Variants in GPR89B observed in about 807,000 individuals in gnomAD.
GPR89B encodes the protein G protein-coupled receptor 89B.
A neutral mutation model predicts 52.4 loss-of-function variants in GPR89B; 25 were observed. The observed-to-expected ratio is 0.48, with a 90% CI of 0.35 to 0.67. The LOEUF (loss-of-function observed/expected upper bound fraction) is 0.67, where lower values mean the gene tolerates loss of function less well. Among genes scored for constraint, GPR89B ranks in the 30% least tolerant of loss-of-function variants. The probability of loss-of-function intolerance (pLI) is 0.01; values close to 1 mark genes in which losing one functional copy is unlikely to be tolerated. For missense variants in GPR89B, 146 were observed against 450.2 expected (o/e 0.32, Z 6.11); for synonymous variants, 52 against 151.2 (o/e 0.34, Z 4.81).
rs1480541724 is a variant in GPR89B at position 147,933,824 on chromosome 1, G to A, written c.43-2803G>A. 2.6e-5 allele frequency among the ~76,000 whole-genome samples: 4 copies of A among 152,010 alleles called. No homozygotes were observed. The East Asian group carries it at 5.8e-4, about 22-fold the overall frequency. On this transcript the variant is annotated intron_variant, in intron 1 of 13. Coordinates refer to ENST00000314163, the MANE Select transcript of GPR89B (RefSeq NM_016334.5). ...ATAATGTTTCTCTTTCTACACTGTC[G>A]CTTCCTTCAAGTGTGTCTTCCACAC...
chr1:148,018,450 A>G, the GPR89B span, among the ~76,000 whole-genome samples: 109 of 150,776 alleles, frequency 7.2e-4, 2 homozygotes, highest in African/African-American at 2.5e-3. Flanking sequence ...AAGAAAAAAA[A>G]GGCAGGAAGA....
rs1315221534 is a variant in GPR89B at position 147,969,522 on chromosome 1, A to G, written c.817-345A>G. The G allele has an allele frequency of 1.2e-4, 27 of 222,248 alleles. No individual in the cohort carries two copies. In the East Asian group the frequency reaches 3.7e-3, roughly 30 times the overall value. 13.8% of individuals were successfully genotyped at this position (222,248 alleles called of 1,614,324 possible). ...ACAGAGGTTAACATAGGCTTTGGAA[A>G]CAGATAAACCTGAGCCTACTCACCA... On this transcript the variant is annotated intron_variant, in intron 9 of 13. Transcript: ENST00000314163.
In GPR89B at chr1:147,949,779, C is replaced by T. The variant is rs587599207; in HGVS notation, c.416-3566C>T. On this transcript the variant is annotated intron_variant, in intron 5 of 13. Coordinates refer to ENST00000314163, the MANE Select transcript of GPR89B (RefSeq NM_016334.5). ...AGGCGCCCCTCACCTCCCGGAGAGA[C>T]GGCTGGCCGGGCAGGGGGCTGACCC... Among the ~76,000 whole-genome samples the T allele has an allele frequency of 9.8e-5, 14 of 142,154 alleles. No individual in the cohort carries two copies. The East Asian group carries it at 2.0e-3, about 21-fold the overall frequency. The allele number at this position is 142,154 out of a possible 152,430, so 93.3% of individuals were successfully genotyped here.
chr1:147,997,171 A>G (rs1259121989), downstream of GPR89B, among the ~76,000 whole-genome samples: 1 of 152,142 alleles, frequency 6.6e-6, no homozygotes, highest in African/African-American at 2.4e-5. Flanking sequence ...CCTTTCGGTA[A>G]GATGGTCTTC....
chr1:147,937,332 A>C (rs587709044), intron 2 of GPR89B, among the ~76,000 whole-genome samples: 3 of 152,184 alleles, frequency 2.0e-5, no homozygotes, highest in Non-Finnish European at 4.4e-5. Flanking sequence ...TAAAATCACA[A>C]AGCAGAGGCA....
At chr1:147,982,840 TCTC>T (rs1658372664) in intron 10 of GPR89B, among the ~76,000 whole-genome samples, 2 of 152,060 alleles carry the variant, frequency 1.3e-5, no homozygotes, top group African/African-American at 2.4e-5. Context: ...GTTTTGTAGT[TCTC>T]CTTGAAGAGG....
In GPR89B at chr1:147,979,692, G is replaced by T. The variant is rs1553254078; in HGVS notation, c.910-6507G>T. Among the ~76,000 whole-genome samples, 10 of 151,712 alleles carry T rather than the reference G, an allele frequency of 6.6e-5. 1 individual carries two copies. Among genetic ancestry groups the T allele is most frequent in the South Asian group, 6.3e-4 (3 of 4,800 alleles). Reference sequence around the variant, plus strand: ...TAGTTGATTATATTCATTAATTTTTGAATATTAAACCAATCTTGCATTCCT... The same window carrying T: ...TAGTTGATTATATTCATTAATTTTTTAATATTAAACCAATCTTGCATTCCT... On this transcript the variant is annotated intron_variant, in intron 10 of 13. Coordinates refer to ENST00000314163, the MANE Select transcript of GPR89B (RefSeq NM_016334.5).
intron 10 of GPR89B, among the ~76,000 whole-genome samples, chr1:147,980,057 G>C (rs1658124706): frequency 1.3e-5 from 2 of 150,522 alleles, no homozygotes; most frequent in South Asian, 4.2e-4. Context: ...CTGCACTCCA[G>C]CTTGAATGAC....
At chr1:147,986,584 T>C (rs1658686606) in intron 11 of GPR89B, among the ~76,000 whole-genome samples, 1 of 152,198 alleles carries the variant, frequency 6.6e-6, no homozygotes, top group Non-Finnish European at 1.5e-5. Context: ...TCTGCTTCTC[T>C]ATAGGCAGCT....
At chr1:147,940,217 C>A (rs1336395040) in intron 3 of GPR89B, among the ~76,000 whole-genome samples, 1 of 151,884 alleles carries the variant, frequency 6.6e-6, no homozygotes, top group East Asian at 1.9e-4. Context: ...TCCTGGCTAA[C>A]ATGGTGAAAC....
chr1:147,928,778 G>C (rs1553246571), intron 1 of GPR89B, 200 bp downstream of exon 1: 1 of 496,120 alleles, frequency 2.0e-6, no homozygotes, highest in Admixed American at 6.4e-5. Flanking sequence ...CTGGCCTGCG[G>C]CCGTCCGCGT....
At chr1:147,978,018 C>T (rs1313710514) in intron 10 of GPR89B, among the ~76,000 whole-genome samples, 4 of 151,408 alleles carry the variant, frequency 2.6e-5, no homozygotes, top group African/African-American at 9.8e-5. Context: ...CAGCCTCAGC[C>T]CAGTTCTGTG....
intron 5 of GPR89B, among the ~76,000 whole-genome samples, chr1:147,949,922 G>A (rs1655455163): frequency 7.3e-6 from 1 of 137,448 alleles, no homozygotes; most frequent in Admixed American, 6.9e-5. Flanking sequence ...GCCGGGCGGG[G>A]GGCTGACCCC....
downstream of GPR89B, among the ~76,000 whole-genome samples, chr1:147,998,413 A>G (rs2149100727): frequency 6.8e-6 from 1 of 146,624 alleles, no homozygotes; most frequent in East Asian, 2.0e-4. Context: ...CAGACCTTTC[A>G]GTCATATACT....
intron 11 of GPR89B, 112 bp from the exon 12 acceptor site, chr1:147,988,320 A>G: frequency 7.1e-7 from 1 of 1,403,622 alleles, no homozygotes; most frequent in Non-Finnish European, 1.0e-6. Flanking sequence ...AAAATCAGGT[A>G]GGGTCTAATA....
intron 5 of GPR89B, among the ~76,000 whole-genome samples, chr1:147,948,756 AT>A (rs199854363): frequency 0.067 from 9,220 of 138,274 alleles, 513 homozygotes; most frequent in East Asian, 0.17. Context: ...AGATAAAATA[AT>A]TTTTTTTTTT....
At chr1:148,023,104 C>T in the GPR89B span, among the ~76,000 whole-genome samples, 2 of 151,276 alleles carry the variant, frequency 1.3e-5, no homozygotes, top group Non-Finnish European at 2.9e-5. Flanking sequence ...CTACCTACCT[C>T]ATGGTAGTCC....
intron 10 of GPR89B, among the ~76,000 whole-genome samples, chr1:147,980,818 C>CAAAAA (rs1176400328): frequency 7.5e-4 from 17 of 22,566 alleles, no homozygotes; most frequent in African/African-American, 2.2e-3. Context: ...GACTCCGTCT[C>CAAAAA]AAAAAAAAAA....
intron 10 of GPR89B, among the ~76,000 whole-genome samples, chr1:147,972,765 G>A (rs1477451717): frequency 6.7e-6 from 1 of 149,130 alleles, no homozygotes; most frequent in South Asian, 2.1e-4. Context: ...CATCACCTAG[G>A]TATTAAGCCC....
Sources: gnomAD v4.1 joint callset for allele counts (sites outside exome capture counted in the v4.1 genomes callset) on GRCh38, gnomAD v4.1.1 for gene constraint, MANE v1.5 for transcripts, NCBI Gene and HGNC (gene_info 2026-07-23, HGNC 2026-07-21) for gene names.